The following BRAF variants were observed in gnomAD, a reference collection of about 807,000 sequenced individuals.
BRAF encodes the protein serine/threonine-protein kinase B-raf.
A neutral mutation model predicts 104.6 loss-of-function variants in BRAF; 16 were observed. The ratio of observed to expected loss-of-function variants is 0.15; its 90% CI spans 0.10 to 0.23. The LOEUF (loss-of-function observed/expected upper bound fraction) is 0.23, where lower values mean the gene tolerates loss of function less well. Ranked by LOEUF, BRAF falls within the 10% of genes least tolerant of loss-of-function variation. The probability of loss-of-function intolerance (pLI) is 1.00; values close to 1 mark genes in which losing one functional copy is unlikely to be tolerated. For missense variants in BRAF, 541 were observed against 937.3 expected (o/e 0.58, Z 5.52); for synonymous variants, 310 against 341.6 (o/e 0.91, Z 1.02).
chr7:140,721,972 T>G lies in BRAF; in HGVS notation c.*4522A>C. On this transcript the variant is annotated 3_prime_UTR_variant, in exon 20 of 20. Transcript: ENST00000644969. Reference sequence around the variant, plus strand: ...TTGGCAGCAGTACTCTGGAAACTGATAAAACCAAATTCGGTCCTATATTTC... The same window carrying G: ...TTGGCAGCAGTACTCTGGAAACTGAGAAAACCAAATTCGGTCCTATATTTC... 1 of 1,217,748 alleles carries G rather than the reference T, an allele frequency of 8.2e-7. No homozygotes were observed. The highest frequency in any genetic ancestry group is 1.0e-6 in the Non-Finnish European group (1 of 979,390). The allele number at this position is 1,217,748 out of a possible 1,614,324, so 75.4% of individuals were successfully genotyped here. A position where few individuals can be genotyped will look rare whatever the true frequency, so the allele number is the denominator to read the frequency against.
chr7:140,766,332 T>C (rs1303773840), intron 14 of BRAF, among the ~76,000 whole-genome samples: 2 of 152,072 alleles, frequency 1.3e-5, no homozygotes, highest in Admixed American at 1.3e-4. Context: ...AAGATATACC[T>C]AATGCTAAAT....
At chr7:140,880,817 A>G (rs1812813492) in intron 1 of BRAF, among the ~76,000 whole-genome samples, 1 of 151,944 alleles carries the variant, frequency 6.6e-6, no homozygotes, top group South Asian at 2.1e-4. Context: ...AAAAAAAAAA[A>G]AAATTAGCTG....
At chr7:140,865,228 C>T (rs936148829) in intron 1 of BRAF, among the ~76,000 whole-genome samples, 5 of 152,034 alleles carry the variant, frequency 3.3e-5, no homozygotes, top group Admixed American at 1.3e-4. Flanking sequence ...TACAGGCACA[C>T]GCCACCACAC....
chr7:140,840,627 CA>C (rs1304299325), intron 2 of BRAF, among the ~76,000 whole-genome samples: 26 of 151,550 alleles, frequency 1.7e-4, no homozygotes, highest in Non-Finnish European at 7.4e-5. Context: ...CCCATCTCTA[CA>C]AAAAATACAA....
chr7:140,870,509 C>T (rs1024826177), intron 1 of BRAF, among the ~76,000 whole-genome samples: 1 of 152,000 alleles, frequency 6.6e-6, no homozygotes, highest in Admixed American at 6.6e-5. Flanking sequence ...GTAAAATGCC[C>T]TATCTGCAGA....
chr7:140,717,207 C>T (rs764287173), downstream of BRAF, among the ~76,000 whole-genome samples: 2 of 152,148 alleles, frequency 1.3e-5, no homozygotes, highest in Non-Finnish European at 2.9e-5. Context: ...GATCTTGGGT[C>T]CTGGCTACAT....
At chr7:140,895,648 T>C (rs1457112215) in intron 1 of BRAF, among the ~76,000 whole-genome samples, 1 of 152,230 alleles carries the variant, frequency 6.6e-6, no homozygotes, top group Non-Finnish European at 1.5e-5. Flanking sequence ...CAACTCTTTT[T>C]AGCTTCCACA....
At chr7:140,831,881 C>T (rs746960223) in intron 3 of BRAF, among the ~76,000 whole-genome samples, 9 of 152,182 alleles carry the variant, frequency 5.9e-5, no homozygotes, top group Non-Finnish European at 1.3e-4. Context: ...ATTACTCTGA[C>T]GACTACCCAA....
At chr7:140,717,017 G>C (rs1413826973), downstream of BRAF, among the ~76,000 whole-genome samples, 1 of 152,194 alleles carries the variant, frequency 6.6e-6, no homozygotes, top group Non-Finnish European at 1.5e-5. Context: ...CACTAGCAGT[G>C]TCTTCCCAGA....
chr7:140,841,318 A>G (rs1271536258), intron 2 of BRAF, among the ~76,000 whole-genome samples: 1 of 152,236 alleles, frequency 6.6e-6, no homozygotes, highest in Non-Finnish European at 1.5e-5. Flanking sequence ...GCAACTTTGA[A>G]AAACTGTCTG....
intron 1 of BRAF, among the ~76,000 whole-genome samples, chr7:140,903,654 T>C (rs376559828): frequency 2.6e-5 from 4 of 152,358 alleles, no homozygotes; most frequent in Admixed American, 2.0e-4. Flanking sequence ...GATATCGTTA[T>C]TACTCTGATG....
chr7:140,821,449 C>A (rs1421339595), intron 3 of BRAF, among the ~76,000 whole-genome samples: 1 of 151,768 alleles, frequency 6.6e-6, no homozygotes, highest in Non-Finnish European at 1.5e-5. Context: ...AGGTGTGCAC[C>A]ACCATGGCTG....
At chr7:140,805,130 C>T (rs1803530976) in intron 5 of BRAF, among the ~76,000 whole-genome samples, 1 of 152,210 alleles carries the variant, frequency 6.6e-6, no homozygotes, top group Admixed American at 6.5e-5. Flanking sequence ...TTTATTTACA[C>T]ATTCTGTTCC....
chr7:140,756,627 C>T (rs1414546909), intron 14 of BRAF, among the ~76,000 whole-genome samples: 2 of 151,972 alleles, frequency 1.3e-5, no homozygotes, highest in African/African-American at 4.8e-5. Flanking sequence ...AATATATCAA[C>T]TTTACTTTGC....
intron 3 of BRAF, among the ~76,000 whole-genome samples, chr7:140,814,377 A>T (rs1804598965): frequency 6.6e-6 from 1 of 152,194 alleles, no homozygotes; most frequent in Non-Finnish European, 1.5e-5. Flanking sequence ...AAAATTTTCC[A>T]TAGTTGGCCA....
intron 14 of BRAF, among the ~76,000 whole-genome samples, chr7:140,776,504 T>C (rs1031123415): frequency 6.6e-6 from 1 of 152,190 alleles, no homozygotes; most frequent in Admixed American, 6.5e-5. Flanking sequence ...TCACTTTAAC[T>C]TTATTAACTG....
chr7:140,897,036 T>C (rs867950447), intron 1 of BRAF, among the ~76,000 whole-genome samples: 13 of 152,024 alleles, frequency 8.6e-5, no homozygotes, highest in African/African-American at 2.9e-4. Flanking sequence ...ATAGTACTTT[T>C]TACAGAATTT....
At chr7:140,872,655 G>C (rs898251906) in intron 1 of BRAF, among the ~76,000 whole-genome samples, 6 of 152,022 alleles carry the variant, frequency 3.9e-5, no homozygotes, top group African/African-American at 1.2e-4. Flanking sequence ...AGGAGCTTGA[G>C]ACCAACCTGG....
chr7:140,719,827 C>G lies in BRAF; in HGVS notation c.*6667G>C. 9.4e-7 allele frequency: 1 copy of G among 1,063,320 alleles called. No homozygotes were observed. The highest frequency in any genetic ancestry group is 1.1e-6 in the Non-Finnish European group (1 of 878,014). 65.9% of individuals were successfully genotyped at this position (1,063,320 alleles called of 1,614,324 possible). ...ATCTTTTCACTGGGCACGCCCCAGA[C>G]TCCACGAGAACCTTTTCAATGCTTG... On this transcript the variant is annotated 3_prime_UTR_variant, in exon 20 of 20. Transcript: ENST00000644969.
Sources: gnomAD v4.1 joint callset for allele counts (sites outside exome capture counted in the v4.1 genomes callset) on GRCh38, gnomAD v4.1.1 for gene constraint, MANE v1.5 for transcripts, NCBI Gene and HGNC (gene_info 2026-07-23, HGNC 2026-07-21) for gene names.